FBLN5: variants seen among roughly 807,000 people sequenced by gnomAD.
The protein encoded by FBLN5 is fibulin-5.
A neutral mutation model predicts 61.6 loss-of-function variants in FBLN5; 24 were observed. The ratio of observed to expected loss-of-function variants is 0.39; its 90% confidence interval spans 0.28 to 0.55. The LOEUF (loss-of-function observed/expected upper bound fraction) is 0.55. Ranked by LOEUF, FBLN5 falls within the 20% of genes least tolerant of loss-of-function variation. FBLN5 has a pLI of 0.65. For missense variants in FBLN5, 470 were observed against 594.1 expected, an observed-to-expected ratio of 0.79 and a Z score of 2.17; for synonymous variants, 213 against 219.8, an observed-to-expected ratio of 0.97 and a Z score of 0.27.
chr14:91,884,452 G>T (rs564740377), intron 7 of FBLN5, among the ~76,000 whole-genome samples: 81 of 152,250 alleles, frequency 5.3e-4, no homozygotes, highest in Admixed American at 1.2e-3. Context: ...AATTCCTGAG[G>T]CTCCCTATAT....
intron 4 of FBLN5, among the ~76,000 whole-genome samples, chr14:91,908,824 A>G (rs1890790243): frequency 6.6e-6 from 1 of 152,196 alleles, no homozygotes; most frequent in Admixed American, 6.5e-5. Flanking sequence ...AATGGTGTAC[A>G]TAAGAGTGTC....
chr14:91,937,003 G>A lies in FBLN5; in HGVS notation c.323C>T (p.Ser108Phe). 6.2e-7 allele frequency: 1 copy of A among 1,614,160 alleles called. No individual in the cohort carries two copies. The highest frequency in any genetic ancestry group is 1.1e-5 in the South Asian group (1 of 91,078). The change falls in exon 4 of 11, where the codon TCC (serine) becomes TTC (phenylalanine). Residue 108 changes from serine to phenylalanine, a missense_variant. Transcript: ENST00000342058. The stretch of plus-strand genomic sequence containing the variant: ...TCCAAAGCGGCATATAAGAGGCCTG[G>A]AGATCGTGGGATAGTTTGGAGCTGA... ...PLSAPNYPTI[S>F]RPLICRFGYQ...
chr14:91,942,586 C>T (rs973977947), intron 2 of FBLN5, among the ~76,000 whole-genome samples: 1 of 152,188 alleles, frequency 6.6e-6, no homozygotes, highest in Non-Finnish European at 1.5e-5. Context: ...ACCACCATGG[C>T]CCACATTTAC....
chr14:91,944,204 C>T lies in FBLN5; in HGVS notation c.18-1243G>A, dbSNP rs976489526. ...AAAATTTGCCAGGCATGGTGGTACA[C>T]GCTCTGAGACAAAGCGAGACTCTGT... On this transcript the variant is annotated intron_variant, in intron 1 of 10. Transcript: ENST00000342058. Among the ~76,000 whole-genome samples, 6 of 151,996 alleles carry T rather than the reference C, an allele frequency of 3.9e-5. 1 individual carries two copies. The highest frequency in any genetic ancestry group is 1.3e-4 in the Admixed American group (2 of 15,252).
At chr14:91,897,667 C>T (rs1890281067) in intron 4 of FBLN5, among the ~76,000 whole-genome samples, 2 of 152,234 alleles carry the variant, frequency 1.3e-5, no homozygotes, top group South Asian at 4.1e-4. Flanking sequence ...AGGGCCCCAT[C>T]GTGGGCATGT....
In FBLN5 at chr14:91,895,157, G is replaced by A. The variant is rs889271023; in HGVS notation, c.380-85C>T. ...CCAGGGGTGCCAGTGGCTCATCTTG[G>A]CTGGGAGGCAGTTAATAAGGTCACT... On this transcript the variant is annotated intron_variant, in intron 4 of 10. Transcript: ENST00000342058. The A allele has an allele frequency of 4.5e-6, 7 of 1,556,176 alleles. No homozygotes were observed. The Admixed American group carries it at 1.2e-4, about 26-fold the overall frequency.
intron 3 of FBLN5, among the ~76,000 whole-genome samples, chr14:91,938,125 C>A (rs942916664): frequency 6.6e-6 from 1 of 152,196 alleles, no homozygotes; most frequent in South Asian, 2.1e-4. Flanking sequence ...CTTCAAGTAA[C>A]AGTGGTCAGG....
In FBLN5 at chr14:91,881,409, T is replaced by A. The variant is rs1566801425; in HGVS notation, c.872A>T (p.Glu291Val). Residue 291 changes from glutamate (E) to valine (V), a missense_variant, in exon 9 of 11, where the codon GAA (glutamate) becomes GTA (valine). Coordinates refer to ENST00000342058, the MANE Select transcript of FBLN5 (RefSeq NM_006329.4). ...GCACGTGTGGTTCCTGTGCTCACAT[T>A]CGTTGATGTCTGAAATGCAGGGGAG... ...DDNRSCQDIN[E>V]CEHRNHTCNL... 1 of 1,614,184 alleles carries A rather than the reference T, an allele frequency of 6.2e-7. No homozygotes were observed.
intron 5 of FBLN5, among the ~76,000 whole-genome samples, chr14:91,894,687 A>C (rs1289959939): frequency 1.3e-5 from 2 of 152,178 alleles, no homozygotes; most frequent in Non-Finnish European, 2.9e-5. Flanking sequence ...GCGCCATTGC[A>C]CTCCAGCCTG....
In FBLN5 at chr14:91,923,945, G is replaced by A. The variant is rs2267999; in HGVS notation, c.379+13002C>T. ...AGCCAACAAAGTGTCCCATACCTAC[G>A]TTCGTTGCCATCCCATTTCACTGGG... On this transcript the variant is annotated intron_variant, in intron 4 of 10. Transcript: ENST00000342058. Among the ~76,000 whole-genome samples the A allele has an allele frequency of 0.021, 3,228 of 152,248 alleles. 221 individuals are homozygous for A. In the East Asian group the frequency reaches 0.22, roughly 11 times the overall value.
At chr14:91,874,541 G>A (rs2139944753) in intron 10 of FBLN5, 1 of 152,280 alleles carries the variant, frequency 6.6e-6, no homozygotes, top group Admixed American at 6.5e-5. Flanking sequence ...CTTATTAGTT[G>A]TGAGACTAGT....
At chr14:91,915,971 T>C (rs1272049012) in intron 4 of FBLN5, among the ~76,000 whole-genome samples, 1 of 152,192 alleles carries the variant, frequency 6.6e-6, no homozygotes, top group African/African-American at 2.4e-5. Context: ...TTCTACTTTA[T>C]AGACATTAAT....
chr14:91,945,220 C>T (rs1487622650), intron 1 of FBLN5, among the ~76,000 whole-genome samples: 1 of 149,048 alleles, frequency 6.7e-6, no homozygotes, highest in African/African-American at 2.5e-5. Flanking sequence ...GACAGCGAGA[C>T]TCCGTCTCAA....
intron 7 of FBLN5, among the ~76,000 whole-genome samples, chr14:91,885,027 G>A (rs1889661788): frequency 6.6e-6 from 1 of 152,192 alleles, no homozygotes. Context: ...ACAAGGCTAG[G>A]AGGGGTCTGG....
At chr14:91,918,370 T>C (rs1038481750) in intron 4 of FBLN5, among the ~76,000 whole-genome samples, 7 of 152,280 alleles carry the variant, frequency 4.6e-5, no homozygotes, top group Admixed American at 3.3e-4. Flanking sequence ...GACCCAGATT[T>C]TCAGCCAAGA....
intron 4 of FBLN5, among the ~76,000 whole-genome samples, chr14:91,914,841 TTTTG>T (rs1177289909): frequency 8.6e-5 from 13 of 151,676 alleles, no homozygotes; most frequent in African/African-American, 3.2e-4. Context: ...TTTTGTTTTG[TTTTG>T]TTTTTTGTTT....
chr14:91,878,065 A>G (rs986592536), intron 9 of FBLN5: 13 of 414,694 alleles, frequency 3.1e-5, no homozygotes, highest in Non-Finnish European at 4.2e-5. Context: ...AAAAAGGAAG[A>G]AAGAAAGAAA....
intron 2 of FBLN5, among the ~76,000 whole-genome samples, chr14:91,941,540 T>A (rs913569680): frequency 1.3e-5 from 2 of 152,026 alleles, no homozygotes; most frequent in Admixed American, 6.6e-5. Flanking sequence ...ATGATGTATA[T>A]GGCCTGCACT....
intron 10 of FBLN5, 58 bp downstream of exon 10, chr14:91,877,429 G>A: frequency 7.2e-7 from 1 of 1,385,696 alleles, no homozygotes; most frequent in Middle Eastern, 1.8e-4. Flanking sequence ...ACGTTCCTAG[G>A]AGAGACAGCA....
Sources: gnomAD v4.1 joint callset for allele counts (sites outside exome capture counted in the v4.1 genomes callset) on GRCh38, gnomAD v4.1.1 for gene constraint, MANE v1.5 for transcripts, NCBI Gene and HGNC (gene_info 2026-07-23, HGNC 2026-07-21) for gene names.